The following AXDND1 variants were observed in gnomAD, a reference collection of about 807,000 sequenced individuals.
AXDND1 encodes axonemal dynein light chain domain containing 1.
Under a neutral mutation model 137.5 loss-of-function variants are expected in AXDND1, and 110 were observed. That is an observed-to-expected ratio of 0.80 (90% CI 0.69 to 0.94). The LOEUF is 0.94. AXDND1 is among the 40% of genes least tolerant of loss of function. The probability of loss-of-function intolerance (pLI) is 0.00; values close to 1 mark genes in which losing one functional copy is unlikely to be tolerated. For missense variants in AXDND1, 1,191 were observed against 1,169.8 expected, an observed-to-expected ratio of 1.02 and a Z score of -0.26; for synonymous variants, 414 against 399.7, an observed-to-expected ratio of 1.04 and a Z score of -0.43.
At chr1:179,432,222 T>C (rs930384493) in intron 14 of AXDND1, 45 bp from the exon 15 acceptor site, 20 of 1,487,884 alleles carry the variant, frequency 1.3e-5, no homozygotes, top group South Asian at 2.6e-5. Flanking sequence ...ATCTTGTTTA[T>C]GTCTTGTTCT....
intron 12 of AXDND1, among the ~76,000 whole-genome samples, chr1:179,412,691 A>G (rs78319505): frequency 0.018 from 2,677 of 152,354 alleles, 64 homozygotes; most frequent in African/African-American, 0.059. Flanking sequence ...GATTTCTGCT[A>G]TCACTGGAGA....
chr1:179,442,102 G>A (rs576206432), intron 15 of AXDND1, among the ~76,000 whole-genome samples: 1 of 152,270 alleles, frequency 6.6e-6, no homozygotes, highest in East Asian at 1.9e-4. Flanking sequence ...ACTAGGAAAA[G>A]CACAAGGTCC....
intron 15 of AXDND1, among the ~76,000 whole-genome samples, chr1:179,432,760 C>T (rs1571813287): frequency 6.6e-6 from 1 of 151,994 alleles, no homozygotes. Context: ...TATTAGGGGC[C>T]GGGCACGGTG....
At chr1:179,400,946 G>C (rs1571655609) in intron 11 of AXDND1, among the ~76,000 whole-genome samples, 1 of 132,808 alleles carries the variant, frequency 7.5e-6, no homozygotes, top group Admixed American at 7.6e-5. Flanking sequence ...AAAGGACACA[G>C]AAACAAACAA....
At chr1:179,463,097 G>A (rs1246493300) in intron 16 of AXDND1, among the ~76,000 whole-genome samples, 1 of 152,074 alleles carries the variant, frequency 6.6e-6, no homozygotes, top group Non-Finnish European at 1.5e-5. Context: ...TTTTCTGAAG[G>A]GTTTTTTGTG....
chr1:179,554,162 C>T (rs112058473), intron 25 of AXDND1, among the ~76,000 whole-genome samples: 7,105 of 152,222 alleles, frequency 0.047, 264 homozygotes, highest in Non-Finnish European at 0.07. Context: ...GATCCACCCA[C>T]CTTGGCATCC....
intron 15 of AXDND1, among the ~76,000 whole-genome samples, chr1:179,441,986 C>T (rs1019370353): frequency 1.7e-4 from 26 of 152,188 alleles, no homozygotes; most frequent in African/African-American, 6.0e-4. Context: ...GGGCTCTGTA[C>T]GCTATTATTT....
intron 23 of AXDND1, among the ~76,000 whole-genome samples, chr1:179,530,133 G>A (rs1274848907): frequency 4.6e-5 from 7 of 152,062 alleles, no homozygotes; most frequent in African/African-American, 9.7e-5. Context: ...AAGTTCAAGC[G>A]ATTCTCCTGC....
At chr1:179,413,712 C>T (rs1654250009) in intron 12 of AXDND1, among the ~76,000 whole-genome samples, 1 of 152,112 alleles carries the variant, frequency 6.6e-6, no homozygotes, top group Admixed American at 6.5e-5. Context: ...CATATGAGTG[C>T]AGGTGTCTTT....
At chr1:179,381,289 G>T (rs1223852553) in intron 6 of AXDND1, among the ~76,000 whole-genome samples, 1 of 149,680 alleles carries the variant, frequency 6.7e-6, no homozygotes, top group East Asian at 2.0e-4. Flanking sequence ...TGATCTGCCC[G>T]CTTTGGCCTC....
chr1:179,441,591 C>A (rs1056171680), intron 15 of AXDND1, among the ~76,000 whole-genome samples: 3 of 152,184 alleles, frequency 2.0e-5, no homozygotes, highest in African/African-American at 7.2e-5. Flanking sequence ...CGCTTCACTG[C>A]CTCTTGTAAT....
intron 25 of AXDND1, among the ~76,000 whole-genome samples, chr1:179,542,976 G>A (rs1411660647): frequency 3.9e-5 from 6 of 152,100 alleles, no homozygotes; most frequent in Non-Finnish European, 7.3e-5. Context: ...CCTAAACAGA[G>A]TCTCCAGAAA....
At chr1:179,419,433 G>A (rs921390711) in intron 12 of AXDND1, among the ~76,000 whole-genome samples, 6 of 149,016 alleles carry the variant, frequency 4.0e-5, no homozygotes, top group African/African-American at 7.4e-5. Context: ...CCAACACAGC[G>A]AAACCCCGTC....
chr1:179,373,557 C>A (rs575998413), intron 4 of AXDND1, among the ~76,000 whole-genome samples: 1 of 152,122 alleles, frequency 6.6e-6, no homozygotes, highest in Admixed American at 6.6e-5. Context: ...GGAGGCATCA[C>A]GCTACCTGAC....
At chr1:179,545,742 C>T (rs1187755698) in intron 25 of AXDND1, 1 of 152,144 alleles carries the variant, frequency 6.6e-6, no homozygotes, top group East Asian at 1.9e-4. Flanking sequence ...TGAGCCTTGT[C>T]CCTTAGAATG....
intron 8 of AXDND1, among the ~76,000 whole-genome samples, chr1:179,384,459 T>A (rs1648884447): frequency 1.3e-5 from 2 of 152,234 alleles, no homozygotes; most frequent in Non-Finnish European, 2.9e-5. Flanking sequence ...ATTTTATCAA[T>A]TGTCTCTGTA....
chr1:179,484,024 A>G (rs999866886), intron 18 of AXDND1, among the ~76,000 whole-genome samples: 5 of 152,184 alleles, frequency 3.3e-5, no homozygotes, highest in Non-Finnish European at 7.3e-5. Flanking sequence ...GAGGGAAGAT[A>G]GAGATGCTGG....
intron 21 of AXDND1, among the ~76,000 whole-genome samples, chr1:179,512,242 A>C (rs1395306367): frequency 6.6e-6 from 1 of 152,170 alleles, no homozygotes; most frequent in Non-Finnish European, 1.5e-5. Flanking sequence ...TTTTTGTATA[A>C]GGTGAGAGAT....
intron 21 of AXDND1, among the ~76,000 whole-genome samples, chr1:179,511,907 ATTGT>A (rs1669100730): frequency 6.6e-6 from 1 of 151,196 alleles, no homozygotes; most frequent in African/African-American, 2.4e-5. Flanking sequence ...TTTTGATGTG[ATTGT>A]TTGTTTCATT....
Sources: allele counts gnomAD v4.1 joint callset (sites outside exome capture counted in the v4.1 genomes callset), GRCh38; gene constraint gnomAD v4.1.1; transcripts MANE v1.5; gene names NCBI Gene and HGNC (gene_info 2026-07-23, HGNC 2026-07-21).